Variants in ABL2 observed in about 807,000 individuals in gnomAD.
ABL2 encodes ABL proto-oncogene 2, non-receptor tyrosine kinase.
Under a neutral mutation model 107.7 loss-of-function variants are expected in ABL2, and 49 were observed. That is an observed-to-expected ratio of 0.45 (90% confidence interval 0.36 to 0.58). ABL2 has a LOEUF of 0.58. Among genes scored for constraint, ABL2 ranks in the 20% least tolerant of loss-of-function variants. The probability of loss-of-function intolerance (pLI) is 0.00; values close to 1 mark genes in which losing one functional copy is unlikely to be tolerated. For missense variants in ABL2, 1,245 were observed against 1,457.0 expected (o/e 0.85, Z 2.37); for synonymous variants, 549 against 548.6 (o/e 1.00, Z -0.01).
At chr1:179,110,194 C>T in intron 11 of ABL2, 88 bp downstream of exon 11, 1 of 1,474,112 alleles carries the variant, frequency 6.8e-7, no homozygotes, top group Non-Finnish European at 9.4e-7. Flanking sequence ...GGAGGACGGG[C>T]ATGAAAGTGG....
At chr1:179,227,652 AT>A (rs1663294601) in intron 1 of ABL2, among the ~76,000 whole-genome samples, 1 of 152,212 alleles carries the variant, frequency 6.6e-6, no homozygotes, top group Non-Finnish European at 1.5e-5. Flanking sequence ...CTACTAATCC[AT>A]TCTTCCATCC....
At chr1:179,195,070 C>T (rs566411602) in intron 1 of ABL2, among the ~76,000 whole-genome samples, 1 of 152,106 alleles carries the variant, frequency 6.6e-6, no homozygotes, top group Admixed American at 6.6e-5. Context: ...GGTGGATTAC[C>T]TGAGGTCAGG....
chr1:179,179,946 CAA>C (rs796697169), intron 1 of ABL2, among the ~76,000 whole-genome samples: 7 of 123,780 alleles, frequency 5.7e-5, no homozygotes, highest in African/African-American at 5.9e-5. Context: ...ACTAAAAATA[CAA>C]AAAAAAAAAA....
rs1279118407 is a variant in ABL2, at chr1:179,129,195, C to T, written c.391+2116G>A. 2.6e-5 allele frequency among the ~76,000 whole-genome samples: 4 copies of T among 152,076 alleles called. No individual in the cohort carries two copies. The East Asian group carries it at 7.7e-4, about 29-fold the overall frequency. On this transcript the variant is annotated intron_variant, in intron 3 of 11. Transcript: ENST00000502732. ...CCACTGTTGGTCATAAGATAAAGGC[C>T]AGTCATAACCCATAAGTGAGGAATC...
intron 4 of ABL2, among the ~76,000 whole-genome samples, chr1:179,122,956 G>A (rs749039568): frequency 3.3e-5 from 5 of 152,028 alleles, no homozygotes; most frequent in South Asian, 2.1e-4. Context: ...TACCACGCCC[G>A]GCCAGTCTTC....
In ABL2 at chr1:179,156,882, AAAATAAATAAATAAATAAATAAAT is replaced by A. The variant is rs143172971; in HGVS notation, c.158-23532_158-23509del. On this transcript the variant is annotated intron_variant, in intron 1 of 11. Transcript: ENST00000502732. ...AACAGAGTGAGTGAGAGTCTGTCTC[AAAATAAATAAATAAATAAATAAAT>A]AAATAAATAAATAAATAAATAAATA... Among the ~76,000 whole-genome samples, 27 of 142,206 alleles carry A rather than the reference AAAATAAATAAATAAATAAATAAAT, an allele frequency of 1.9e-4. 2 individuals carry two copies. The highest frequency in any genetic ancestry group is 7.0e-4 in the South Asian group (3 of 4,312). The allele number at this position is 142,206 out of a possible 152,430, so 93.3% of individuals were successfully genotyped here.
intron 1 of ABL2, among the ~76,000 whole-genome samples, chr1:179,209,168 T>A (rs577414930): frequency 7.7e-4 from 118 of 152,340 alleles, no homozygotes; most frequent in South Asian, 1.5e-3. Context: ...TTATCTCATC[T>A]TCTTCTCTGA....
Position 179,107,843 on chromosome 1 carries a change from T to C in ABL2, c.3424A>G (p.Lys1142Glu), listed in dbSNP as rs1341244020. The C allele has an allele frequency of 6.2e-7, 1 of 1,614,206 alleles. No individual in the cohort carries two copies. The highest frequency in any genetic ancestry group is 8.5e-7 in the Non-Finnish European group (1 of 1,180,044). The change falls in exon 12 of 12, where the codon AAA becomes GAA. Residue 1142 changes from lysine (K) to glutamate (E), a missense_variant. Lys to Glu is a moderately conservative substitution (Grantham distance 56). Transcript: ENST00000502732. ...NKFAFREAVS[K>E]LELSLQELQV... ...AGCTCCTGCAGGCTGAGTTCCAGTT[T>C]GCTCACAGCCTCTCGGAAGGCAAAT... is the stretch of plus-strand genomic sequence containing the variant.
At chr1:179,146,606 C>T (rs1161039153) in intron 1 of ABL2, among the ~76,000 whole-genome samples, 3 of 152,098 alleles carry the variant, frequency 2.0e-5, no homozygotes, top group African/African-American at 7.2e-5. Flanking sequence ...TAAATCCCTA[C>T]GTGTCAAGGG....
intron 10 of ABL2, 128 bp downstream of exon 10, chr1:179,112,181 T>C: frequency 1.4e-6 from 1 of 694,428 alleles, no homozygotes; most frequent in East Asian, 2.7e-5. Flanking sequence ...AATGTCCTTG[T>C]AGTTAAAAGT....
At chr1:179,171,663 T>C (rs553804614) in intron 1 of ABL2, among the ~76,000 whole-genome samples, 10 of 152,244 alleles carry the variant, frequency 6.6e-5, no homozygotes, top group African/African-American at 1.4e-4. Context: ...GTTGGGACTA[T>C]AGGCACTTGC....
At chr1:179,130,687 A>G (rs993616690) in intron 3 of ABL2, among the ~76,000 whole-genome samples, 15 of 152,014 alleles carry the variant, frequency 9.9e-5, no homozygotes, top group Admixed American at 9.2e-4. Context: ...AAAAGGGAAC[A>G]TTAAGAACAT....
chr1:179,183,996 A>G, intron 1 of ABL2: 1 of 268,080 alleles, frequency 3.7e-6, no homozygotes, highest in South Asian at 4.9e-5. Context: ...ATGAAGTACA[A>G]AATGAAATAG....
In ABL2 at chr1:179,203,505, G is replaced by T. The variant is rs867374388; in HGVS notation, c.157+25736C>A. 9.9e-5 allele frequency among the ~76,000 whole-genome samples: 15 copies of T among 151,448 alleles called. No individual in the cohort carries two copies. In the Middle Eastern group the frequency reaches 0.01, roughly 104 times the overall value. ...CATTTTCAAGTATTATTATCCCAAAGATCATTCTTCTCAAAGTAAACAGTC... is the reference window on the plus strand; with the variant it reads ...CATTTTCAAGTATTATTATCCCAAATATCATTCTTCTCAAAGTAAACAGTC... On this transcript the variant is annotated intron_variant, in intron 1 of 11. Coordinates refer to ENST00000502732, the MANE Select transcript of ABL2 (RefSeq NM_007314.4).
chr1:179,110,716 GT>G lies in ABL2; in HGVS notation c.1652-262del. 5.0e-6 allele frequency: 8 copies of G among 1,607,102 alleles called. 1 individual carries two copies. The South Asian group carries it at 8.8e-5, about 18-fold the overall frequency. ...CGTGTGAATATACCACAATCCACCT[GT>G]TCTCCTCTTGATGGATGTTTAGGTT... On this transcript the variant is annotated intron_variant, in intron 10 of 11. Transcript: ENST00000502732.
chr1:179,160,421 T>C (rs1658990089), intron 1 of ABL2, among the ~76,000 whole-genome samples: 1 of 151,978 alleles, frequency 6.6e-6, no homozygotes, highest in Non-Finnish European at 1.5e-5. Flanking sequence ...CATTCCTATA[T>C]ATCAAAATAC....
At chr1:179,143,224 G>A in intron 1 of ABL2, 2 of 791,412 alleles carry the variant, frequency 2.5e-6, no homozygotes, top group East Asian at 3.2e-5. Context: ...GTGACCTAAA[G>A]GAAAATTTCC....
At chr1:179,156,948 AT>A (rs1433639205) in intron 1 of ABL2, among the ~76,000 whole-genome samples, 2 of 151,928 alleles carry the variant, frequency 1.3e-5, no homozygotes, top group South Asian at 2.1e-4. Flanking sequence ...TATTAAATTA[AT>A]TTTTAATAGA....
intron 1 of ABL2, among the ~76,000 whole-genome samples, chr1:179,190,621 G>T (rs994368633): frequency 1.3e-5 from 2 of 152,024 alleles, no homozygotes; most frequent in African/African-American, 2.4e-5. Context: ...ATGGAGGGGG[G>T]TGAGGGGGTG....
Sources: allele counts gnomAD v4.1 joint callset (sites outside exome capture counted in the v4.1 genomes callset), GRCh38; gene constraint gnomAD v4.1.1; transcripts MANE v1.5; gene names NCBI Gene and HGNC (gene_info 2026-07-23, HGNC 2026-07-21).